CNTN3: variants seen among roughly 807,000 people sequenced by gnomAD.
CNTN3 encodes the protein contactin 3.
CNTN3 carries 60 observed loss-of-function variants against 119.1 expected under a neutral mutation model. The ratio of observed to expected loss-of-function variants is 0.50; its 90% confidence interval spans 0.41 to 0.62. CNTN3 has a LOEUF of 0.62. Ranked by LOEUF, CNTN3 falls within the 20% of genes least tolerant of loss-of-function variation. The pLI, the probability that CNTN3 is intolerant of heterozygous loss-of-function variation, is 0.00. For missense variants in CNTN3, 1,101 were observed against 1,242.4 expected (o/e 0.89, Z 1.71); for synonymous variants, 450 against 438.7 (o/e 1.03, Z -0.32).
intron 19 of CNTN3, among the ~76,000 whole-genome samples, chr3:74,290,195 G>T (rs1702196709): frequency 6.6e-6 from 1 of 152,174 alleles, no homozygotes; most frequent in Admixed American, 6.5e-5. Context: ...ATGCGAACCT[G>T]CATGGTATAA....
chr3:74,379,410 T>G (rs1035383324), intron 5 of CNTN3, among the ~76,000 whole-genome samples: 3 of 151,990 alleles, frequency 2.0e-5, no homozygotes, highest in Admixed American at 2.0e-4. Context: ...CCTGCCTCAT[T>G]GTCTTCATTT....
At chr3:74,578,104 T>G (rs1559665008) in intron 1 of CNTN3, among the ~76,000 whole-genome samples, 2 of 152,208 alleles carry the variant, frequency 1.3e-5, no homozygotes, top group African/African-American at 4.8e-5. Flanking sequence ...ATTAACTCCT[T>G]ATTTAAGAAA....
rs184205549 is a variant in CNTN3 at position 74,400,660 on chromosome 3, A to T, written c.454+24185T>A. On this transcript the variant is annotated intron_variant, in intron 5 of 22. Coordinates refer to ENST00000263665, the MANE Select transcript of CNTN3 (RefSeq NM_020872.3). Reference sequence around the variant, plus strand: ...AGCCCTTTCTAGTTGTTTATTTTTTAAAAATTAGAGGGCTATTTATGGATT... The same window carrying T: ...AGCCCTTTCTAGTTGTTTATTTTTTTAAAATTAGAGGGCTATTTATGGATT... Among the ~76,000 whole-genome samples, 480 of 152,248 alleles carry T rather than the reference A, an allele frequency of 3.2e-3. 3 individuals are homozygous for T. Among genetic ancestry groups the T allele is most frequent in the African/African-American group, 0.011 (454 of 41,556 alleles).
At chr3:74,289,950 T>C (rs1702190649) in intron 19 of CNTN3, among the ~76,000 whole-genome samples, 1 of 152,230 alleles carries the variant, frequency 6.6e-6, no homozygotes, top group South Asian at 2.1e-4. Flanking sequence ...TGGACTTAAC[T>C]AGACACTGTG....
chr3:74,505,540 T>C (rs1205948681), intron 2 of CNTN3, among the ~76,000 whole-genome samples: 1 of 140,376 alleles, frequency 7.1e-6, no homozygotes, highest in African/African-American at 2.6e-5. Context: ...ATACACACAA[T>C]ATGTTACAGA....
At chr3:74,445,623 T>C (rs7433461) in intron 4 of CNTN3, among the ~76,000 whole-genome samples, 2,108 of 152,266 alleles carry the variant, frequency 0.014, 42 homozygotes, top group African/African-American at 0.046. Context: ...TAAGCAAACA[T>C]AGCATTACTA....
At chr3:74,521,014 T>C in intron 2 of CNTN3, 44 bp downstream of exon 2, 6 of 1,210,006 alleles carry the variant, frequency 5.0e-6, no homozygotes, top group Non-Finnish European at 7.1e-6. Flanking sequence ...ATGACTCGAG[T>C]ATACTTCTAA....
At position 74,340,572 on chromosome 3, in the gene CNTN3, G is replaced by A. The variant is rs545215040; in HGVS notation, c.1365-3914C>T. Among the ~76,000 whole-genome samples, 5 of 152,132 alleles carry A rather than the reference G, an allele frequency of 3.3e-5. No homozygotes were observed. The South Asian group carries it at 8.3e-4, about 25-fold the overall frequency. ...GACACTTGATTTATAGTGTTGCTCC[G>A]GAAATTTTACCTATCATTGTTATTA... On this transcript the variant is annotated intron_variant, in intron 11 of 22. Coordinates refer to ENST00000263665, the MANE Select transcript of CNTN3 (RefSeq NM_020872.3).
intron 1 of CNTN3, among the ~76,000 whole-genome samples, chr3:74,585,242 C>A (rs888402793): frequency 1.3e-5 from 2 of 152,044 alleles, no homozygotes; most frequent in African/African-American, 4.8e-5. Context: ...GCAAATGAAA[C>A]CAAGCTAGAG....
intron 5 of CNTN3, among the ~76,000 whole-genome samples, chr3:74,387,610 T>C (rs1232614670): frequency 6.6e-6 from 1 of 152,202 alleles, no homozygotes; most frequent in Admixed American, 6.5e-5. Flanking sequence ...TGTCAAAAGC[T>C]AGCAGTGATT....
At chr3:74,538,725 T>C (rs1023663113) in intron 1 of CNTN3, among the ~76,000 whole-genome samples, 1 of 152,158 alleles carries the variant, frequency 6.6e-6, no homozygotes. Flanking sequence ...TGCTTTTCTG[T>C]GAAGTAAGCT....
intron 2 of CNTN3, among the ~76,000 whole-genome samples, chr3:74,514,729 A>G (rs979995153): frequency 2.0e-5 from 3 of 152,120 alleles, no homozygotes; most frequent in Non-Finnish European, 2.9e-5. Flanking sequence ...TATTTAAAAT[A>G]GTATCCAGTG....
chr3:74,356,419 C>A (rs1299093057), intron 11 of CNTN3, among the ~76,000 whole-genome samples: 1 of 152,058 alleles, frequency 6.6e-6, no homozygotes. Flanking sequence ...CTGCTGCAGA[C>A]ATCACCTTCT....
intron 1 of CNTN3, among the ~76,000 whole-genome samples, chr3:74,588,801 G>A (rs1285461392): frequency 4.6e-5 from 7 of 152,124 alleles, no homozygotes; most frequent in South Asian, 2.1e-4. Context: ...AAATAACGCC[G>A]CATGTCTACA....
At chr3:74,531,042 G>A (rs1360909175) in intron 1 of CNTN3, among the ~76,000 whole-genome samples, 1 of 151,898 alleles carries the variant, frequency 6.6e-6, no homozygotes, top group Non-Finnish European at 1.5e-5. Flanking sequence ...TAGCAGAATT[G>A]GAATTACCGA....
At chr3:74,344,614 C>T (rs987056859) in intron 11 of CNTN3, among the ~76,000 whole-genome samples, 2 of 151,688 alleles carry the variant, frequency 1.3e-5, no homozygotes, top group East Asian at 3.9e-4. Flanking sequence ...GCCGACACCA[C>T]GCCCAGCTAA....
At chr3:74,426,885 A>G (rs570096831) in intron 4 of CNTN3, among the ~76,000 whole-genome samples, 102 of 152,346 alleles carry the variant, frequency 6.7e-4, no homozygotes, top group South Asian at 1.2e-3. Flanking sequence ...TTATTTCTTG[A>G]TGATCAAGTA....
chr3:74,468,603 T>C (rs1044301791), intron 4 of CNTN3, among the ~76,000 whole-genome samples: 1 of 152,186 alleles, frequency 6.6e-6, no homozygotes, highest in African/African-American at 2.4e-5. Flanking sequence ...TTATTTTTTA[T>C]TAATGGCATC....
intron 13 of CNTN3, among the ~76,000 whole-genome samples, chr3:74,310,381 A>G (rs1230469757): frequency 5.3e-5 from 8 of 152,020 alleles, no homozygotes. Context: ...TTTTCTGTTC[A>G]GTAATGTGTA....
Sources: gnomAD v4.1 joint callset for allele counts (sites outside exome capture counted in the v4.1 genomes callset) on GRCh38, gnomAD v4.1.1 for gene constraint, MANE v1.5 for transcripts, NCBI Gene and HGNC (gene_info 2026-07-23, HGNC 2026-07-21) for gene names.